RNF128: variants seen among roughly 807,000 people sequenced by gnomAD.
RNF128 encodes the protein ring finger protein 128.
RNF128 carries 13 observed loss-of-function variants against 26.2 expected under a neutral mutation model. The ratio of observed to expected loss-of-function variants is 0.50; its 90% CI spans 0.32 to 0.79. The LOEUF (loss-of-function observed/expected upper bound fraction) is 0.79. Ranked by LOEUF, RNF128 falls within the 30% of genes least tolerant of loss-of-function variation. RNF128 has a pLI of 0.03. For synonymous variants in RNF128, 149 were observed against 142.5 expected, an observed-to-expected ratio of 1.05 and a Z score of -0.32; for missense variants, 315 against 349.7, an observed-to-expected ratio of 0.90 and a Z score of 0.79.
intron 6 of RNF128, among the ~76,000 whole-genome samples, chrX:106,795,165 T>C (rs1336836200): frequency 8.9e-6 from 1 of 111,915 alleles, no homozygotes; most frequent in South Asian, 3.7e-4. Context: ...TCCTTCCAAC[T>C]TCCTGGTTGA....
intron 1 of RNF128, among the ~76,000 whole-genome samples, chrX:106,703,079 A>AACACAATG (rs1374747904): frequency 8.9e-6 from 1 of 112,200 alleles, no homozygotes; most frequent in African/African-American, 3.2e-5. Context: ...CAATGATAGT[A>AACACAATG]ACACAATGTA....
chrX:106,734,507 A>G (rs1207675429), intron 1 of RNF128, among the ~76,000 whole-genome samples: 1 of 111,477 alleles, frequency 9.0e-6, no homozygotes, highest in Admixed American at 9.5e-5. Flanking sequence ...TATTATAATG[A>G]TGGCTACTGA....
intron 1 of RNF128, among the ~76,000 whole-genome samples, chrX:106,714,493 A>G (rs1929181510): frequency 1.8e-5 from 2 of 111,666 alleles, no homozygotes; most frequent in Admixed American, 9.5e-5. Context: ...CACCTCGTAT[A>G]ACGATAGTAC....
intron 1 of RNF128, among the ~76,000 whole-genome samples, chrX:106,711,202 T>A (rs758530694): frequency 8.9e-6 from 1 of 112,121 alleles, no homozygotes; most frequent in South Asian, 3.7e-4. Flanking sequence ...CCTAGCCCCA[T>A]GGGAGTGGAG....
chrX:106,768,119 G>A (rs5962743), intron 1 of RNF128, among the ~76,000 whole-genome samples: 19,563 of 111,341 alleles, frequency 0.18, 4,201 homozygotes, highest in African/African-American at 0.61. Context: ...CGGCTTGCCA[G>A]TATCTTATTG....
At chrX:106,791,565 G>T (rs189693507) in intron 6 of RNF128, among the ~76,000 whole-genome samples, 159 of 110,933 alleles carry the variant, frequency 1.4e-3, no homozygotes, top group African/African-American at 5.1e-3. Context: ...ATTGTTTATT[G>T]CAGATAAAGC....
intron 1 of RNF128, among the ~76,000 whole-genome samples, chrX:106,737,772 A>G (rs1929625678): frequency 8.9e-6 from 1 of 111,845 alleles, no homozygotes; most frequent in African/African-American, 3.2e-5. Flanking sequence ...TGGGCAATCT[A>G]TATTGAACAC....
exon 1 of RNF128, chrX:106,694,138 A>G: frequency 8.3e-7 from 1 of 1,211,223 alleles, no homozygotes; most frequent in Admixed American, 2.2e-5. Context: ...CTACACTGCA[A>G]TAGAGACATG....
chrX:106,769,546 G>GC (rs1930327432), intron 1 of RNF128, among the ~76,000 whole-genome samples: 3 of 65,115 alleles, frequency 4.6e-5, no homozygotes, highest in Admixed American at 2.3e-4. Flanking sequence ...CACCTGCTTT[G>GC]TTTTTTTTTT....
rs924188440 is a variant in RNF128, at chrX:106,796,223, G to A, written c.*510G>A. 8.9e-6 allele frequency: 1 copy of A among 112,066 alleles called. No homozygotes were observed. Among genetic ancestry groups the A allele is most frequent in the Non-Finnish European group, 1.9e-5 (1 of 53,013 alleles). 9.2% of individuals were successfully genotyped at this position (112,066 alleles called of 1,213,427 possible). A position where few individuals can be genotyped will look rare whatever the true frequency, so the allele number is the denominator to read the frequency against. On this transcript the variant is annotated 3_prime_UTR_variant, in exon 7 of 7. Transcript: ENST00000255499. ...CTATTTAAGCTGCTTTAAGTTAATA[G>A]AAAAGATTAAAGCAAAATATTCATT...
intron 1 of RNF128, among the ~76,000 whole-genome samples, chrX:106,770,628 T>G (rs181659556): frequency 9.0e-5 from 10 of 111,569 alleles, no homozygotes; most frequent in Non-Finnish European, 1.5e-4. Flanking sequence ...TCTACACTGT[T>G]TATTCTAGTT....
At chrX:106,788,375 ATATATT>A (rs1242598893) in intron 4 of RNF128, among the ~76,000 whole-genome samples, 1 of 44,469 alleles carries the variant, frequency 2.2e-5, no homozygotes, top group African/African-American at 1.2e-4. Flanking sequence ...AATATATATT[ATATATT>A]ATATATAATA....
chrX:106,779,790 G>A (rs973548516), intron 2 of RNF128, among the ~76,000 whole-genome samples: 21 of 110,711 alleles, frequency 1.9e-4, no homozygotes, highest in African/African-American at 6.9e-4. Context: ...CTGTTTTATA[G>A]CCTGCACCTC....
chrX:106,712,332 A>T (rs947255665), intron 1 of RNF128, among the ~76,000 whole-genome samples: 1 of 112,422 alleles, frequency 8.9e-6, no homozygotes, highest in Non-Finnish European at 1.9e-5. Context: ...TGAGAAAACT[A>T]TACATTGCTT....
intron 1 of RNF128, among the ~76,000 whole-genome samples, chrX:106,707,889 A>G (rs1929069779): frequency 9.0e-6 from 1 of 111,684 alleles, no homozygotes; most frequent in Non-Finnish European, 1.9e-5. Context: ...GTAAAACAGC[A>G]GATTGATTGA....
chrX:106,748,263 GAAA>G (rs1000974305), intron 1 of RNF128, among the ~76,000 whole-genome samples: 3 of 111,779 alleles, frequency 2.7e-5, no homozygotes, highest in Non-Finnish European at 5.7e-5. Context: ...AACATTTTGA[GAAA>G]AAAACATAAT....
intron 1 of RNF128, among the ~76,000 whole-genome samples, chrX:106,743,515 G>A (rs1418084099): frequency 8.9e-6 from 1 of 112,235 alleles, no homozygotes; most frequent in Non-Finnish European, 1.9e-5. Flanking sequence ...TTCAATGTGT[G>A]AGATAGACCA....
At chrX:106,769,240 C>T (rs925315640) in intron 1 of RNF128, among the ~76,000 whole-genome samples, 2 of 111,492 alleles carry the variant, frequency 1.8e-5, no homozygotes, top group South Asian at 7.6e-4. Flanking sequence ...CTGCTTGGTG[C>T]AGCGCTAAGT....
chrX:106,694,539 C>A, intron 1 of RNF128: 1 of 378,322 alleles, frequency 2.6e-6, no homozygotes, highest in Non-Finnish European at 4.3e-6. Flanking sequence ...TTGCCTGGCA[C>A]AACTTGTAAT....
Sources: allele counts gnomAD v4.1 joint callset (sites outside exome capture counted in the v4.1 genomes callset), GRCh38; gene constraint gnomAD v4.1.1; transcripts MANE v1.5; gene names NCBI Gene and HGNC (gene_info 2026-07-23, HGNC 2026-07-21).